Variants in DGKI observed in about 807,000 individuals in gnomAD.
DGKI encodes diacylglycerol kinase iota.
Under a neutral mutation model 147.5 loss-of-function variants are expected in DGKI, and 55 were observed. That is an observed-to-expected ratio of 0.37 (90% CI 0.30 to 0.47). DGKI has a LOEUF of 0.47. Ranked by LOEUF, DGKI falls within the 20% of genes least tolerant of loss-of-function variation. The probability of loss-of-function intolerance (pLI) is 1.00; values close to 1 mark genes in which losing one functional copy is unlikely to be tolerated. For synonymous variants in DGKI, 469 were observed against 477.1 expected, an observed-to-expected ratio of 0.98 and a Z score of 0.22; for missense variants, 1,007 against 1,323.8, an observed-to-expected ratio of 0.76 and a Z score of 3.71.
At chr7:137,585,949 G>A (rs1262144334) in intron 13 of DGKI, among the ~76,000 whole-genome samples, 1 of 152,190 alleles carries the variant, frequency 6.6e-6, no homozygotes, top group Non-Finnish European at 1.5e-5. Flanking sequence ...TTGGAAGGGA[G>A]AAGTTAACAC....
intron 30 of DGKI, among the ~76,000 whole-genome samples, chr7:137,407,390 G>A (rs1046348540): frequency 2.2e-4 from 33 of 152,006 alleles, no homozygotes; most frequent in African/African-American, 8.0e-4. Context: ...TTTTCAAAGA[G>A]AATAAAGCGT....
In DGKI at chr7:137,521,855, T is replaced by C; in HGVS notation, c.2248+11A>G. ...TGATCGCATGAAATCAATGAGGCAC[T>C]TCCAACTTACAAGCTTCTCGGAGTT... is the stretch of plus-strand genomic sequence containing the variant. On this transcript the variant is annotated intron_variant, in intron 21 of 32. Coordinates refer to ENST00000614521, the MANE Select transcript of DGKI (RefSeq NM_001321708.2). 6.3e-7 allele frequency: 1 copy of C among 1,599,316 alleles called. No homozygotes were observed. Among genetic ancestry groups the C allele is most frequent in the Non-Finnish European group, 8.6e-7 (1 of 1,167,684 alleles).
rs148948634 is a variant in DGKI at position 137,653,458 on chromosome 7, C to T, written c.738+1274G>A. 2.4e-3 allele frequency among the ~76,000 whole-genome samples: 362 copies of T among 152,338 alleles called. 1 individual carries two copies. Among genetic ancestry groups the T allele is most frequent in the East Asian group, 0.018 (95 of 5,182 alleles). ...ATAAAACACTCAACTTGCAGCATGG[C>T]TTACAAGGACCTTCAGGGTCCAGCT... On this transcript the variant is annotated intron_variant, in intron 5 of 32. Coordinates refer to ENST00000614521, the MANE Select transcript of DGKI (RefSeq NM_001321708.2).
At chr7:137,614,086 C>T (rs1049017798) in intron 8 of DGKI, among the ~76,000 whole-genome samples, 4 of 152,108 alleles carry the variant, frequency 2.6e-5, no homozygotes, top group Non-Finnish European at 5.9e-5. Flanking sequence ...ACAAACGAAA[C>T]AATAAAAGAT....
chr7:137,756,413 C>T (rs778976540), intron 1 of DGKI, among the ~76,000 whole-genome samples: 4 of 152,244 alleles, frequency 2.6e-5, no homozygotes, highest in East Asian at 1.9e-4. Flanking sequence ...AAAAGTCATT[C>T]GGGAACCGTC....
intron 1 of DGKI, among the ~76,000 whole-genome samples, chr7:137,829,114 T>C (rs1337120703): frequency 1.3e-5 from 2 of 152,240 alleles, no homozygotes; most frequent in East Asian, 1.9e-4. Context: ...ACCCAAAAGC[T>C]ATAGAACACA....
chr7:137,395,800 T>A, intron 31 of DGKI, 103 bp from the exon 32 acceptor site: 1 of 1,004,406 alleles, frequency 1.0e-6, no homozygotes, highest in Non-Finnish European at 1.5e-6. Context: ...TCCTTCCCTG[T>A]AGGCTGCTGA....
At chr7:137,796,291 A>G (rs112068487) in intron 1 of DGKI, among the ~76,000 whole-genome samples, 1 of 152,184 alleles carries the variant, frequency 6.6e-6, no homozygotes, top group Non-Finnish European at 1.5e-5. Flanking sequence ...TGAGGTCAAG[A>G]GTTCAAGACC....
chr7:137,736,963 T>C (rs1196488768), intron 1 of DGKI, among the ~76,000 whole-genome samples: 1 of 152,016 alleles, frequency 6.6e-6, no homozygotes, highest in African/African-American at 2.4e-5. Context: ...TGTTATCTCT[T>C]ATAAGCCAGA....
chr7:137,421,667 T>A (rs967893272), intron 28 of DGKI, among the ~76,000 whole-genome samples: 9 of 152,238 alleles, frequency 5.9e-5, no homozygotes, highest in African/African-American at 2.2e-4. Flanking sequence ...TTATCTGTTG[T>A]TGTGAAATTG....
At chr7:137,411,821 G>A (rs1220674027) in intron 29 of DGKI, among the ~76,000 whole-genome samples, 1 of 152,146 alleles carries the variant, frequency 6.6e-6, no homozygotes, top group Non-Finnish European at 1.5e-5. Context: ...CTGGCCTGAA[G>A]GATGCATTTC....
At chr7:137,612,254 G>A (rs542522873) in intron 8 of DGKI, among the ~76,000 whole-genome samples, 12 of 146,400 alleles carry the variant, frequency 8.2e-5, no homozygotes, top group African/African-American at 2.8e-4. Flanking sequence ...TAACACAGAG[G>A]TAGCAAATAC....
At chr7:137,399,215 T>G (rs1041766198) in intron 30 of DGKI, among the ~76,000 whole-genome samples, 1 of 152,190 alleles carries the variant, frequency 6.6e-6, no homozygotes, top group African/African-American at 2.4e-5. Context: ...TTTGGTTCTA[T>G]CCTCATACTA....
At chr7:137,645,005 G>A (rs977721591) in intron 6 of DGKI, among the ~76,000 whole-genome samples, 18 of 152,130 alleles carry the variant, frequency 1.2e-4, no homozygotes, top group African/African-American at 4.3e-4. Context: ...CAAATAAAAA[G>A]GGCATCTCTT....
In DGKI at chr7:137,388,971, A is replaced by G. The variant is rs1811265001; in HGVS notation, c.*2249T>C. 3 of 152,194 alleles carry G rather than the reference A, an allele frequency of 2.0e-5. No individual in the cohort carries two copies. The highest frequency in any genetic ancestry group is 7.2e-5 in the African/African-American group (3 of 41,442). The allele number at this position is 152,194 out of a possible 1,614,324, so 9.4% of individuals were successfully genotyped here. On this transcript the variant is annotated 3_prime_UTR_variant, in exon 33 of 33. Coordinates refer to ENST00000614521, the MANE Select transcript of DGKI (RefSeq NM_001321708.2). ...CTCTGGGCTACTTGGAAGTATTTAG[A>G]GAAATGTGAGATGGTAGTTGATGAA...
chr7:137,722,973 G>A, intron 1 of DGKI: 1 of 564,096 alleles, frequency 1.8e-6, no homozygotes, highest in Non-Finnish European at 3.1e-6. Flanking sequence ...TACCTATCCT[G>A]AGATAAATGA....
At chr7:137,502,026 T>C (rs1211077013) in intron 21 of DGKI, among the ~76,000 whole-genome samples, 4 of 152,194 alleles carry the variant, frequency 2.6e-5, no homozygotes, top group Non-Finnish European at 5.9e-5. Flanking sequence ...CCTGTCGCCA[T>C]TCACATAAGA....
chr7:137,725,353 A>G (rs1167976918), intron 1 of DGKI, among the ~76,000 whole-genome samples: 4 of 152,198 alleles, frequency 2.6e-5, no homozygotes, highest in Non-Finnish European at 5.9e-5. Flanking sequence ...CCGCCTTGAC[A>G]AAGGGTCAAA....
At chr7:137,746,295 A>G (rs1795327256) in intron 1 of DGKI, among the ~76,000 whole-genome samples, 1 of 152,188 alleles carries the variant, frequency 6.6e-6, no homozygotes. Context: ...AGAGAGGTAA[A>G]GCCCTATTTT....
Sources: gnomAD v4.1 joint callset for allele counts (sites outside exome capture counted in the v4.1 genomes callset) on GRCh38, gnomAD v4.1.1 for gene constraint, MANE v1.5 for transcripts, NCBI Gene and HGNC (gene_info 2026-07-23, HGNC 2026-07-21) for gene names.